Variants in CTNNA3 observed in about 807,000 individuals in gnomAD.
CTNNA3 encodes catenin alpha 3.
CTNNA3 carries 76 observed loss-of-function variants against 95.7 expected under a neutral mutation model. The observed-to-expected ratio is 0.79, with a 90% CI of 0.66 to 0.96. CTNNA3 has a LOEUF of 0.96. Among genes scored for constraint, CTNNA3 ranks in the 40% least tolerant of loss-of-function variants. The pLI, the probability that CTNNA3 is intolerant of heterozygous loss-of-function variation, is 0.00. For missense variants in CTNNA3, 1,191 were observed against 1,089.8 expected (o/e 1.09, Z -1.31); for synonymous variants, 431 against 374.4 (o/e 1.15, Z -1.74).
intron 13 of CTNNA3, among the ~76,000 whole-genome samples, chr10:66,109,871 A>AC (rs1478101461): frequency 6.6e-6 from 1 of 151,834 alleles, no homozygotes; most frequent in Non-Finnish European, 1.5e-5. Flanking sequence ...AAGTACAAAA[A>AC]AAAAAAACTA....
Position 66,086,685 on chromosome 10 carries a change from T to C in CTNNA3, c.1977+16472A>G, listed in dbSNP as rs181331269. Among the ~76,000 whole-genome samples the C allele has an allele frequency of 1.2e-4, 18 of 152,194 alleles. No individual in the cohort carries two copies. The East Asian group carries it at 2.1e-3, about 18-fold the overall frequency. The stretch of plus-strand genomic sequence containing the variant: ...AACCTCAAAATTAGGAAGGACTCAG[T>C]AGAAAAGAACGATCTTTCCTAAGAA... On this transcript the variant is annotated intron_variant, in intron 14 of 17. Coordinates refer to ENST00000433211, the MANE Select transcript of CTNNA3 (RefSeq NM_013266.4).
intron 7 of CTNNA3, among the ~76,000 whole-genome samples, chr10:66,988,155 C>A (rs981621312): frequency 3.3e-5 from 5 of 152,086 alleles, no homozygotes; most frequent in African/African-American, 1.2e-4. Flanking sequence ...TTGTAACTTG[C>A]TGGCATCATA....
chr10:66,111,530 C>T (rs1235071884), intron 13 of CTNNA3, among the ~76,000 whole-genome samples: 3 of 152,110 alleles, frequency 2.0e-5, no homozygotes, highest in Admixed American at 6.5e-5. Context: ...ACGGCATGGC[C>T]GTATGTAGAC....
chr10:67,539,564 G>T lies in CTNNA3; in HGVS notation c.398C>A (p.Thr133Lys). 1 of 1,613,784 alleles carries T rather than the reference G, an allele frequency of 6.2e-7. No homozygotes were observed. The highest frequency in any genetic ancestry group is 8.5e-7 in the Non-Finnish European group (1 of 1,179,802). ...CATGTCCGCAAGGATAAGGAGTCTCGTCACCGCAGCCAGCAAGGCACGGGC... is the reference window on the plus strand; with the variant it reads ...CATGTCCGCAAGGATAAGGAGTCTCTTCACCGCAGCCAGCAAGGCACGGGC... ...QAARALLAAV[T>K]RLLILADMID... is the part of the protein sequence containing the mutation. The change falls in exon 4 of 18, where the codon ACG becomes AAG. Residue 133 changes from threonine to lysine, a missense_variant. Coordinates refer to ENST00000433211, the MANE Select transcript of CTNNA3 (RefSeq NM_013266.4).
At chr10:66,903,409 A>C (rs1589400467) in intron 7 of CTNNA3, among the ~76,000 whole-genome samples, 1 of 152,194 alleles carries the variant, frequency 6.6e-6, no homozygotes, top group South Asian at 2.1e-4. Context: ...TGACAAACCC[A>C]CAGCCAATAT....
chr10:67,717,874 T>C (rs937350278), intron 1 of CTNNA3, among the ~76,000 whole-genome samples: 1 of 152,198 alleles, frequency 6.6e-6, no homozygotes, highest in Admixed American at 6.5e-5. Flanking sequence ...GGTAGCTTGA[T>C]GGGGATAGCA....
At chr10:66,483,416 G>A (rs780927170) in intron 11 of CTNNA3, among the ~76,000 whole-genome samples, 4 of 151,944 alleles carry the variant, frequency 2.6e-5, no homozygotes, top group Non-Finnish European at 5.9e-5. Context: ...GTGGCCATGA[G>A]CTGCAGCTTG....
Position 66,444,900 on chromosome 10 carries a change from C to T in CTNNA3, c.1532-65548G>A, listed in dbSNP as rs543163712. 1.7e-3 allele frequency among the ~76,000 whole-genome samples: 259 copies of T among 152,116 alleles called. 2 individuals are homozygous for T. Among genetic ancestry groups the T allele is most frequent in the African/African-American group, 5.5e-3 (228 of 41,492 alleles). ...TGGCAAATTGGATAAAGAGTCAAGACCCATCAGTGTGCTGTATTCAGGAAA... is the reference window on the plus strand; with the variant it reads ...TGGCAAATTGGATAAAGAGTCAAGATCCATCAGTGTGCTGTATTCAGGAAA... On this transcript the variant is annotated intron_variant, in intron 11 of 17. Transcript: ENST00000433211.
chr10:67,414,752 T>C (rs1845486220), intron 5 of CTNNA3, among the ~76,000 whole-genome samples: 1 of 152,230 alleles, frequency 6.6e-6, no homozygotes, highest in African/African-American at 2.4e-5. Context: ...GTAGGCTTTA[T>C]TCTTGGGATT....
intron 10 of CTNNA3, among the ~76,000 whole-genome samples, chr10:66,526,288 C>A (rs145886424): frequency 6.6e-6 from 1 of 152,072 alleles, no homozygotes; most frequent in African/African-American, 2.4e-5. Context: ...CAGGCTCAAG[C>A]GATCCTCCCA....
At chr10:67,047,459 G>C (rs1457525407) in intron 7 of CTNNA3, among the ~76,000 whole-genome samples, 1 of 152,110 alleles carries the variant, frequency 6.6e-6, no homozygotes, top group Non-Finnish European at 1.5e-5. Context: ...AGGAGTCGGA[G>C]GGAAAGTAAG....
chr10:66,157,934 T>A (rs1189797805), intron 13 of CTNNA3, among the ~76,000 whole-genome samples: 1 of 152,138 alleles, frequency 6.6e-6, no homozygotes, highest in African/African-American at 2.4e-5. Context: ...CATTTTTTCA[T>A]ATGTTTGTTG....
At chr10:66,103,880 T>A (rs1044724348) in intron 13 of CTNNA3, among the ~76,000 whole-genome samples, 1 of 152,130 alleles carries the variant, frequency 6.6e-6, no homozygotes, top group African/African-American at 2.4e-5. Context: ...TTATGGTATA[T>A]GAATTATATC....
chr10:67,614,175 G>A (rs981109045), intron 2 of CTNNA3, among the ~76,000 whole-genome samples: 56 of 152,098 alleles, frequency 3.7e-4, no homozygotes, highest in Admixed American at 2.0e-3. Flanking sequence ...TTTACAGAGC[G>A]CTGATTGGTG....
intron 5 of CTNNA3, among the ~76,000 whole-genome samples, chr10:67,392,117 C>T (rs1336095249): frequency 6.6e-6 from 1 of 152,096 alleles, no homozygotes; most frequent in Non-Finnish European, 1.5e-5. Flanking sequence ...AGTGAACAGG[C>T]AACCTACAAA....
At chr10:67,049,688 C>T (rs909911223) in intron 7 of CTNNA3, among the ~76,000 whole-genome samples, 1 of 152,128 alleles carries the variant, frequency 6.6e-6, no homozygotes, top group African/African-American at 2.4e-5. Context: ...AAAACAGTCC[C>T]TGACAAGTAC....
At chr10:67,279,072 T>C (rs1839294114) in intron 5 of CTNNA3, among the ~76,000 whole-genome samples, 1 of 152,148 alleles carries the variant, frequency 6.6e-6, no homozygotes, top group Non-Finnish European at 1.5e-5. Flanking sequence ...AGTCCTGAGT[T>C]GTTTACCTAT....
chr10:66,248,357 A>AAAC (rs1480798911), intron 13 of CTNNA3, among the ~76,000 whole-genome samples: 1 of 151,564 alleles, frequency 6.6e-6, no homozygotes, highest in African/African-American at 2.4e-5. Context: ...ATAAAAAAAA[A>AAAC]ACAGAAAAAA....
Position 66,859,890 on chromosome 10 carries a change from A to G in CTNNA3, c.1048-84366T>C, listed in dbSNP as rs867493349. On this transcript the variant is annotated intron_variant, in intron 7 of 17. Transcript: ENST00000433211. ...AGGGACATGGATGAAATTGGAAATCATCATTCTCAGTAAACTATCGCAAGG... is the reference window on the plus strand; with the variant it reads ...AGGGACATGGATGAAATTGGAAATCGTCATTCTCAGTAAACTATCGCAAGG... Among the ~76,000 whole-genome samples, 226 of 132,256 alleles carry G rather than the reference A, an allele frequency of 1.7e-3. 3 individuals carry two copies. Among genetic ancestry groups the G allele is most frequent in the African/African-American group, 6.3e-3 (216 of 34,276 alleles). 86.8% of individuals were successfully genotyped at this position (132,256 alleles called of 152,430 possible). A position where few individuals can be genotyped will look rare whatever the true frequency, so the allele number is the denominator to read the frequency against.
Sources: gnomAD v4.1 joint callset for allele counts (sites outside exome capture counted in the v4.1 genomes callset) on GRCh38, gnomAD v4.1.1 for gene constraint, MANE v1.5 for transcripts, NCBI Gene and HGNC (gene_info 2026-07-23, HGNC 2026-07-21) for gene names.